The following UST variants were observed in gnomAD, a reference collection of about 807,000 sequenced individuals.
UST encodes chondroitin sulfate 2-O-sulfotransferase.
Under a neutral mutation model 45.6 loss-of-function variants are expected in UST, and 21 were observed. The observed-to-expected ratio is 0.46, with a 90% confidence interval of 0.33 to 0.66. The LOEUF (loss-of-function observed/expected upper bound fraction) is 0.66, where lower values mean the gene tolerates loss of function less well. Among genes scored for constraint, UST ranks in the 30% least tolerant of loss-of-function variants. The pLI, the probability that UST is intolerant of heterozygous loss-of-function variation, is 0.02. For missense variants in UST, 463 were observed against 512.4 expected (o/e 0.90, Z 0.93); for synonymous variants, 215 against 200.6 (o/e 1.07, Z -0.61).
At chr6:148,802,547 T>G (rs1777073492) in intron 1 of UST, among the ~76,000 whole-genome samples, 1 of 152,226 alleles carries the variant, frequency 6.6e-6, no homozygotes, top group African/African-American at 2.4e-5. Context: ...AGAGATCACT[T>G]TAAGTCACAC....
At chr6:148,762,930 G>C (rs541795796) in intron 1 of UST, among the ~76,000 whole-genome samples, 1 of 152,264 alleles carries the variant, frequency 6.6e-6, no homozygotes, top group Admixed American at 6.5e-5. Flanking sequence ...TTCATTCCCT[G>C]ACTTTGCTGT....
intron 2 of UST, among the ~76,000 whole-genome samples, chr6:148,913,421 A>ATTT (rs767723701): frequency 1.5e-5 from 1 of 66,218 alleles, no homozygotes; most frequent in Non-Finnish European, 3.1e-5. Flanking sequence ...GGGACCAAAA[A>ATTT]TCTTTTTTTT....
intron 1 of UST, 58 bp downstream of exon 1, chr6:148,747,735 G>GA (rs1454598994): frequency 6.7e-7 from 1 of 1,496,822 alleles, no homozygotes; most frequent in African/African-American, 1.4e-5. Context: ...GTGCGGCGGG[G>GA]AGAGGGTCGC....
intron 7 of UST, among the ~76,000 whole-genome samples, chr6:149,060,468 C>G (rs1438749702): frequency 6.6e-6 from 1 of 152,178 alleles, no homozygotes; most frequent in African/African-American, 2.4e-5. Flanking sequence ...CTAGGGAGTC[C>G]GGCGGCCCTG....
At chr6:148,747,732 G>C in intron 1 of UST, 55 bp downstream of exon 1, 1 of 1,502,716 alleles carries the variant, frequency 6.7e-7, no homozygotes, top group Non-Finnish European at 8.8e-7. Context: ...GTTGTGCGGC[G>C]GGGAGAGGGT....
chr6:148,827,847 A>G (rs1025184063), intron 1 of UST, among the ~76,000 whole-genome samples: 4 of 152,126 alleles, frequency 2.6e-5, no homozygotes, highest in South Asian at 2.1e-4. Context: ...ACTAAAACAG[A>G]TGGTAGAGAA....
chr6:149,049,106 T>G (rs1018622080), intron 7 of UST, among the ~76,000 whole-genome samples: 2 of 152,188 alleles, frequency 1.3e-5, no homozygotes, highest in African/African-American at 2.4e-5. Context: ...GTTAATTAAA[T>G]GTAAGTGATT....
intron 5 of UST, among the ~76,000 whole-genome samples, chr6:148,970,844 G>A (rs574994510): frequency 2.3e-4 from 35 of 152,278 alleles, no homozygotes; most frequent in African/African-American, 8.4e-4. Context: ...CTCTAGCCCA[G>A]CTGGAAAGGG....
chr6:149,042,546 AG>A (rs1305558018), intron 7 of UST, among the ~76,000 whole-genome samples: 1 of 152,214 alleles, frequency 6.6e-6, no homozygotes, highest in African/African-American at 2.4e-5. Flanking sequence ...CCCGTGGTCC[AG>A]CAGGGCCCTG....
chr6:148,918,059 G>A (rs570117620), intron 2 of UST, among the ~76,000 whole-genome samples: 35 of 152,266 alleles, frequency 2.3e-4, no homozygotes, highest in African/African-American at 7.2e-4. Flanking sequence ...GACTGAGGCC[G>A]GATGACCTTA....
intron 7 of UST, among the ~76,000 whole-genome samples, chr6:149,032,335 C>T (rs566917939): frequency 1.3e-4 from 20 of 152,312 alleles, no homozygotes; most frequent in Admixed American, 1.3e-3. Flanking sequence ...TTCCTCCCTG[C>T]TGTCTTCCCA....
chr6:148,980,976 A>T (rs188671376), intron 5 of UST, among the ~76,000 whole-genome samples: 191 of 152,020 alleles, frequency 1.3e-3, no homozygotes, highest in African/African-American at 4.3e-3. Flanking sequence ...CCTCCCACCT[A>T]GGCCTCCCAA....
At chr6:148,903,110 T>A (rs1779291155) in intron 2 of UST, among the ~76,000 whole-genome samples, 1 of 152,216 alleles carries the variant, frequency 6.6e-6, no homozygotes, top group Non-Finnish European at 1.5e-5. Context: ...TTTATTTCAA[T>A]AATTTTTCAT....
chr6:148,890,056 G>A (rs1778985519), intron 2 of UST, among the ~76,000 whole-genome samples: 1 of 152,166 alleles, frequency 6.6e-6, no homozygotes, highest in African/African-American at 2.4e-5. Context: ...CTTTAAATCA[G>A]CAGAAGTTTA....
intron 7 of UST, among the ~76,000 whole-genome samples, chr6:149,036,901 G>A (rs1365465121): frequency 6.6e-6 from 1 of 152,170 alleles, no homozygotes; most frequent in Non-Finnish European, 1.5e-5. Flanking sequence ...GAGGTTTCTT[G>A]TGGGAGGAAA....
intron 7 of UST, among the ~76,000 whole-genome samples, chr6:149,069,450 G>A (rs575584789): frequency 6.6e-6 from 1 of 152,312 alleles, no homozygotes; most frequent in East Asian, 1.9e-4. Flanking sequence ...GGAGTAAGAT[G>A]ATAGCTCATT....
At chr6:149,012,365 A>G (rs1163841537) in intron 5 of UST, among the ~76,000 whole-genome samples, 6 of 152,142 alleles carry the variant, frequency 3.9e-5, no homozygotes, top group Non-Finnish European at 5.9e-5. Context: ...AGGCAATAAA[A>G]GTTAACTTAG....
At chr6:149,037,652 G>A (rs1582970963) in intron 7 of UST, among the ~76,000 whole-genome samples, 1 of 152,366 alleles carries the variant, frequency 6.6e-6, no homozygotes, top group South Asian at 2.1e-4. Context: ...GTGGTCCACG[G>A]ACCGGTGCCA....
At chr6:148,926,821 C>G (rs1007039213) in intron 2 of UST, among the ~76,000 whole-genome samples, 5 of 152,046 alleles carry the variant, frequency 3.3e-5, no homozygotes, top group African/African-American at 1.2e-4. Context: ...ATATTGTTAC[C>G]TAGAATGAGG....
Sources: gnomAD v4.1 joint callset for allele counts (sites outside exome capture counted in the v4.1 genomes callset) on GRCh38, gnomAD v4.1.1 for gene constraint, MANE v1.5 for transcripts, NCBI Gene and HGNC (gene_info 2026-07-23, HGNC 2026-07-21) for gene names.